The following ZFHX3 variants were observed in gnomAD, a reference collection of about 807,000 sequenced individuals.
ZFHX3 encodes zinc finger homeobox 3.
ZFHX3 carries 42 observed loss-of-function variants against 279.1 expected under a neutral mutation model. That is an observed-to-expected ratio of 0.15 (90% CI 0.12 to 0.19). The LOEUF (loss-of-function observed/expected upper bound fraction) is 0.19, where lower values mean the gene tolerates loss of function less well. ZFHX3 is among the 10% of genes least tolerant of loss of function. The pLI, the probability that ZFHX3 is intolerant of heterozygous loss-of-function variation, is 1.00. For missense variants in ZFHX3, 4,981 were observed against 4,754.0 expected, an observed-to-expected ratio of 1.05 and a Z score of -1.40; for synonymous variants, 2,293 against 1,957.8, an observed-to-expected ratio of 1.17 and a Z score of -4.52.
At chr16:73,844,788 T>C (rs1332857312) in intron 1 of ZFHX3, among the ~76,000 whole-genome samples, 1 of 151,290 alleles carries the variant, frequency 6.6e-6, no homozygotes, top group East Asian at 1.9e-4. Flanking sequence ...CAGAGATTAG[T>C]AGACAGATGA....
chr16:73,594,969 T>C (rs1183797826), intron 2 of ZFHX3, among the ~76,000 whole-genome samples: 1 of 152,120 alleles, frequency 6.6e-6, no homozygotes, highest in African/African-American at 2.4e-5. Flanking sequence ...CACAATTCCA[T>C]TTCTTGTCAA....
chr16:73,449,389 T>C (rs2018245320), intron 3 of ZFHX3, among the ~76,000 whole-genome samples: 1 of 152,158 alleles, frequency 6.6e-6, no homozygotes, highest in South Asian at 2.1e-4. Context: ...AAGCTGGGCA[T>C]AGTGGTTTGT....
At chr16:72,874,374 T>G (rs2038251809) in intron 4 of ZFHX3, among the ~76,000 whole-genome samples, 1 of 151,788 alleles carries the variant, frequency 6.6e-6, no homozygotes. Context: ...ACCAGGCTAA[T>G]TTTTTGTATT....
chr16:73,317,393 T>C lies in ZFHX3; in HGVS notation c.-1194+847A>G, dbSNP rs553133590. ...TACCCGGCAGAGTCACAGCCATCGC[T>C]GGGCCCTTCCCCCACTCTAAGTTTA... is the stretch of plus-strand genomic sequence containing the variant. On this transcript the variant is annotated intron_variant, in intron 4 of 17. Coordinates refer to the ZFHX3 transcript ENST00000641206. 2.0e-5 allele frequency among the ~76,000 whole-genome samples: 3 copies of C among 152,326 alleles called. No homozygotes were observed. The East Asian group carries it at 5.8e-4, about 29-fold the overall frequency.
intron 2 of ZFHX3, among the ~76,000 whole-genome samples, chr16:73,592,937 T>A (rs999743089): frequency 6.6e-6 from 1 of 151,940 alleles, no homozygotes; most frequent in Non-Finnish European, 1.5e-5. Flanking sequence ...GTAATGAGAA[T>A]GAAAATGACT....
At chr16:73,641,381 C>T (rs775237475) in intron 2 of ZFHX3, among the ~76,000 whole-genome samples, 3 of 152,030 alleles carry the variant, frequency 2.0e-5, no homozygotes, top group African/African-American at 2.4e-5. Context: ...TAACTGCCCA[C>T]GCTGGAGTGG....
At chr16:73,733,809 C>T (rs1244193765) in intron 1 of ZFHX3, among the ~76,000 whole-genome samples, 1 of 152,074 alleles carries the variant, frequency 6.6e-6, no homozygotes, top group African/African-American at 2.4e-5. Context: ...AATTTGTATA[C>T]AAGAACACAT....
At chr16:73,723,060 G>A (rs1055923859) in intron 1 of ZFHX3, among the ~76,000 whole-genome samples, 7 of 152,088 alleles carry the variant, frequency 4.6e-5, no homozygotes, top group Admixed American at 6.5e-5. Flanking sequence ...CCATTAATGA[G>A]ACCATACTCG....
chr16:73,116,543 A>AT (rs1184772800), intron 7 of ZFHX3, among the ~76,000 whole-genome samples: 4 of 152,128 alleles, frequency 2.6e-5, no homozygotes, highest in African/African-American at 7.2e-5. Context: ...TGAAACTGTC[A>AT]TTTTTTGTAC....
rs768496050 is a variant in ZFHX3, at chr16:72,798,326, G to A, written c.4356C>T (p.His1452=). The part of the protein sequence containing the change: ...QALKKHLETS[H]LELSEADIQQ... Reference sequence around the variant, plus strand: ...GGATGTCAGCCTCACTCAGCTCCAGGTGGCTTGTCTCAAGGTGCTTCTTCA... The same window carrying A: ...GGATGTCAGCCTCACTCAGCTCCAGATGGCTTGTCTCAAGGTGCTTCTTCA... The change falls in exon 9 of 10, where the codon CAC becomes CAT. Residue 1452 remains histidine (H), a synonymous_variant. Transcript: ENST00000268489. 10 of 1,614,202 alleles carry A rather than the reference G, an allele frequency of 6.2e-6. No homozygotes were observed. In the East Asian group the frequency reaches 1.6e-4, roughly 25 times the overall value.
chr16:73,704,672 G>T (rs1181885308), intron 1 of ZFHX3, among the ~76,000 whole-genome samples: 1 of 152,208 alleles, frequency 6.6e-6, no homozygotes, highest in Non-Finnish European at 1.5e-5. Flanking sequence ...GGACTTAATT[G>T]TAAGTAGTTT....
chr16:73,188,064 T>C (rs1292314165), intron 5 of ZFHX3, among the ~76,000 whole-genome samples: 1 of 152,218 alleles, frequency 6.6e-6, no homozygotes, highest in Non-Finnish European at 1.5e-5. Flanking sequence ...GGTTTCACTC[T>C]GTTAGCCAGG....
intron 2 of ZFHX3, among the ~76,000 whole-genome samples, chr16:73,503,920 C>A (rs2019280166): frequency 6.6e-6 from 1 of 152,160 alleles, no homozygotes; most frequent in African/African-American, 2.4e-5. Flanking sequence ...GATAGTTATT[C>A]ACTTCTTCCT....
chr16:72,995,202 T>A (rs1487046577), intron 1 of ZFHX3, among the ~76,000 whole-genome samples: 3 of 152,178 alleles, frequency 2.0e-5, no homozygotes, highest in Admixed American at 6.5e-5. Context: ...GCACGCTTTA[T>A]CCTTGAGGAA....
chr16:73,780,500 T>C (rs1474344583), intron 1 of ZFHX3, among the ~76,000 whole-genome samples: 1 of 151,350 alleles, frequency 6.6e-6, no homozygotes, highest in African/African-American at 2.4e-5. Context: ...TGGAGTACAG[T>C]GGCATGATCA....
chr16:73,304,495 T>C (rs2015133808), intron 4 of ZFHX3, among the ~76,000 whole-genome samples: 1 of 152,148 alleles, frequency 6.6e-6, no homozygotes, highest in Non-Finnish European at 1.5e-5. Flanking sequence ...GATTCAGCTT[T>C]CCTTTGTGCA....
intron 1 of ZFHX3, among the ~76,000 whole-genome samples, chr16:73,691,089 G>C (rs547395626): frequency 3.2e-4 from 49 of 152,306 alleles, no homozygotes; most frequent in Admixed American, 1.2e-3. Context: ...CATCAACATA[G>C]ATTACACAGG....
At chr16:73,682,465 C>A (rs2053020613) in intron 1 of ZFHX3, among the ~76,000 whole-genome samples, 1 of 151,976 alleles carries the variant, frequency 6.6e-6, no homozygotes, top group Non-Finnish European at 1.5e-5. Context: ...CTAGACAAAC[C>A]ATAATGCATC....
At chr16:73,348,724 G>A (rs1462419816) in intron 3 of ZFHX3, among the ~76,000 whole-genome samples, 1 of 152,204 alleles carries the variant, frequency 6.6e-6, no homozygotes, top group Non-Finnish European at 1.5e-5. Context: ...GCTCATTTGG[G>A]AGGCTCTTGT....
Sources: gnomAD v4.1 joint callset for allele counts (sites outside exome capture counted in the v4.1 genomes callset) on GRCh38, gnomAD v4.1.1 for gene constraint, MANE v1.5 for transcripts, NCBI Gene and HGNC (gene_info 2026-07-23, HGNC 2026-07-21) for gene names.